NUP210: variants seen among roughly 807,000 people sequenced by gnomAD.
NUP210 encodes nuclear pore membrane glycoprotein 210.
In NUP210, 151 loss-of-function variants were observed where a neutral mutation model predicts 196.0. The observed-to-expected ratio is 0.77, with a 90% CI of 0.67 to 0.88. The LOEUF is 0.88. Among genes scored for constraint, NUP210 ranks in the 40% least tolerant of loss-of-function variants. NUP210 has a pLI of 0.00. For missense variants in NUP210, 2,314 were observed against 2,493.7 expected (o/e 0.93, Z 1.53); for synonymous variants, 1,070 against 1,052.7 (o/e 1.02, Z -0.32).
At chr3:13,365,828 G>T in intron 14 of NUP210, 118 bp downstream of exon 14, 3 of 1,144,090 alleles carry the variant, frequency 2.6e-6, no homozygotes, top group Non-Finnish European at 3.9e-6. Flanking sequence ...AGGAAGCTGT[G>T]CCAAAAGCTA....
chr3:13,352,890 T>G (rs1288665557), intron 18 of NUP210, among the ~76,000 whole-genome samples: 5 of 146,246 alleles, frequency 3.4e-5, no homozygotes, highest in Non-Finnish European at 7.5e-5. Flanking sequence ...GAACACAGAC[T>G]GCAAGGGGAG....
chr3:13,391,430 T>C (rs952730733), intron 3 of NUP210, 123 bp from the exon 4 acceptor site: 1 of 667,842 alleles, frequency 1.5e-6, no homozygotes, highest in Non-Finnish European at 2.7e-6. Context: ...ACCAGGCAGG[T>C]GTCATAAACT....
rs755992121 is a variant in NUP210 at position 13,399,757 on chromosome 3, C to A, written c.272G>T (p.Arg91Leu). 1.2e-6 allele frequency: 2 copies of A among 1,614,004 alleles called. No homozygotes were observed. The highest frequency in any genetic ancestry group is 1.7e-6 in the Non-Finnish European group (2 of 1,180,018). Residue 91 changes from arginine to leucine, a missense_variant, in exon 2 of 40, where the codon CGC (arginine) becomes CTC (leucine). Arg to Leu is a moderately radical substitution (Grantham distance 102). Coordinates refer to ENST00000254508, the MANE Select transcript of NUP210 (RefSeq NM_024923.4). The part of the protein sequence containing the change: ...VVQARLTQPA[R>L]LTSIIFAEDI... ...CTCTGCGAAGATGATGCTGGTGAGG[C>A]GGGCAGGCTGGGTCAGGCGGGCCTG...
At chr3:13,327,195 C>T in intron 32 of NUP210, 22 bp downstream of exon 32, 7 of 1,596,836 alleles carry the variant, frequency 4.4e-6, no homozygotes, top group Non-Finnish European at 5.1e-6. Context: ...CCACAGGTTC[C>T]CTTGCTCAGG....
rs374418449 is a variant in NUP210 at position 13,352,130 on chromosome 3, C to A, written c.2683G>T (p.Val895Leu). The A allele has an allele frequency of 6.2e-7, 1 of 1,614,090 alleles. No homozygotes were observed. Among genetic ancestry groups the A allele is most frequent in the African/African-American group, 1.3e-5 (1 of 75,038 alleles). The change falls in exon 19 of 40, where the codon GTG (valine) becomes TTG (leucine). Residue 895 changes from valine (V) to leucine (L), a missense_variant. Physicochemically the swap from Val to Leu is conservative, Grantham distance 32 (BLOSUM62 1). Coordinates refer to ENST00000254508, the MANE Select transcript of NUP210 (RefSeq NM_024923.4). ...ASIELILVED[V>L]RVSPEEVTIY... Reference sequence around the variant, plus strand: ...GTCACCTCTTCTGGGCTCACCCTCACGTCCTCCACCAGGATGAGCTCTATG... The same window carrying A: ...GTCACCTCTTCTGGGCTCACCCTCAAGTCCTCCACCAGGATGAGCTCTATG...
chr3:13,378,860 A>G (rs1454068168), intron 8 of NUP210, 52 bp downstream of exon 8: 1 of 1,319,202 alleles, frequency 7.6e-7, no homozygotes. Context: ...TTTTAAACTC[A>G]TATAGTCACA....
intron 39 of NUP210, 61 bp from the exon 40 acceptor site, chr3:13,317,842 T>A: frequency 8.2e-7 from 1 of 1,217,256 alleles, no homozygotes. Context: ...CACTCTTCAG[T>A]TACAGCCAGC....
At chr3:13,346,823 G>T (rs150369099) in intron 20 of NUP210, among the ~76,000 whole-genome samples, 85 of 152,316 alleles carry the variant, frequency 5.6e-4, no homozygotes, top group Non-Finnish European at 9.0e-4. Flanking sequence ...AGTGCCAAGC[G>T]AGTGTGCCCC....
intron 20 of NUP210, among the ~76,000 whole-genome samples, chr3:13,343,512 A>C (rs926518249): frequency 6.6e-6 from 1 of 152,204 alleles, no homozygotes; most frequent in African/African-American, 2.4e-5. Flanking sequence ...TCTCGTCATG[A>C]GCCCCACTGC....
At chr3:13,393,741 A>G (rs527255167) in intron 3 of NUP210, among the ~76,000 whole-genome samples, 4 of 152,300 alleles carry the variant, frequency 2.6e-5, no homozygotes, top group African/African-American at 4.8e-5. Context: ...CTGTGCCCAA[A>G]GTTTTGCTTT....
At chr3:13,403,482 G>T (rs552138435) in intron 1 of NUP210, among the ~76,000 whole-genome samples, 2 of 152,278 alleles carry the variant, frequency 1.3e-5, no homozygotes, top group African/African-American at 4.8e-5. Context: ...TCGCCTTGGG[G>T]ATCCTCAAAT....
At position 13,323,018 on chromosome 3, in the gene NUP210, T is replaced by C. The variant is rs780587606; in HGVS notation, c.4768+291A>G. Among the ~76,000 whole-genome samples, 14 of 152,138 alleles carry C rather than the reference T, an allele frequency of 9.2e-5. No homozygotes were observed. Among genetic ancestry groups the C allele is most frequent in the Admixed American group, 4.6e-4 (7 of 15,284 alleles). ...AGTTTCTGGGATTCACGGTGGGAAA[T>C]TGTGGCTTTCTTTGCTAGGGTGCCC... On this transcript the variant is annotated intron_variant, in intron 34 of 39. Coordinates refer to ENST00000254508, the MANE Select transcript of NUP210 (RefSeq NM_024923.4). The surrounding 1 kb of genome is among the most constrained non-coding windows in gnomAD (Gnocchi z 4.3).
rs1339255677 is a variant in NUP210 at position 13,350,191 on chromosome 3, C to T, written c.2835+1688G>A. On this transcript the variant is annotated intron_variant, in intron 20 of 39. Transcript: ENST00000254508. This position sits in a 1 kb window ranked among gnomAD's most constrained non-coding sequence, Gnocchi z 4.1. ...GGGGAAAAGTGTGTGTGTGTGGGTG[C>T]GTGTGTGTTCAGCAAAATAACACAG... Among the ~76,000 whole-genome samples, 3 of 151,550 alleles carry T rather than the reference C, an allele frequency of 2.0e-5. No homozygotes were observed. The highest frequency in any genetic ancestry group is 1.3e-4 in the Admixed American group (2 of 15,214).
At chr3:13,380,427 T>C (rs968416726) in intron 6 of NUP210, among the ~76,000 whole-genome samples, 3 of 152,118 alleles carry the variant, frequency 2.0e-5, no homozygotes, top group Admixed American at 1.3e-4. Flanking sequence ...TATCCCTCAA[T>C]AGCCCTGGGA....
chr3:13,411,965 A>G (rs1486454196), intron 1 of NUP210, among the ~76,000 whole-genome samples: 5 of 151,702 alleles, frequency 3.3e-5, no homozygotes, highest in Non-Finnish European at 5.9e-5. Context: ...CTGGGCTCGA[A>G]CTCCTGACCT....
Position 13,379,771 on chromosome 3 carries a change from G to T in NUP210, c.818-50C>A. The T allele has an allele frequency of 6.7e-7, 1 of 1,494,894 alleles. No homozygotes were observed. 92.6% of individuals were successfully genotyped at this position (1,494,894 alleles called of 1,614,324 possible). On this transcript the variant is annotated intron_variant, in intron 6 of 39. Transcript: ENST00000254508. The surrounding 1 kb of genome is among the most constrained non-coding windows in gnomAD (Gnocchi z 4.2). ...ACAGGGAAAGAGAGAGCAAAGACAG[G>T]AAATGTTAGAAGCCAATACACTCCC...
chr3:13,399,626 C>G, intron 2 of NUP210, 99 bp downstream of exon 2: 1 of 1,527,486 alleles, frequency 6.5e-7, no homozygotes, highest in East Asian at 2.3e-5. Flanking sequence ...AGAGAAAGCC[C>G]TGCCATGGGC....
intron 27 of NUP210, 129 bp downstream of exon 27, chr3:13,336,658 G>A: frequency 2.1e-6 from 2 of 968,724 alleles, no homozygotes; most frequent in South Asian, 3.2e-5. Context: ...GGAAGAAAGT[G>A]GGCGGGCCTC....
At position 13,400,734 on chromosome 3, in the gene NUP210, C is replaced by T. The variant is rs372413192; in HGVS notation, c.168-873G>A. On this transcript the variant is annotated intron_variant, in intron 1 of 39. Transcript: ENST00000254508. ...TGGGGTGAAGCAGGGCCATGGAAAG[C>T]GGCTGGCCATGCTGCCCTCAGAGAG... Among the ~76,000 whole-genome samples, 19 of 152,208 alleles carry T rather than the reference C, an allele frequency of 1.2e-4. 1 individual carries two copies. The South Asian group carries it at 2.5e-3, about 20-fold the overall frequency.
Sources: allele counts gnomAD v4.1 joint callset (sites outside exome capture counted in the v4.1 genomes callset), GRCh38; gene constraint gnomAD v4.1.1; non-coding constraint Gnocchi (gnomAD v3.1); transcripts MANE v1.5; gene names NCBI Gene and HGNC (gene_info 2026-07-23, HGNC 2026-07-21).